POT1: variants seen among roughly 807,000 people sequenced by gnomAD.
POT1 encodes protection of telomeres protein 1.
Under a neutral mutation model 78.5 loss-of-function variants are expected in POT1, and 47 were observed. The ratio of observed to expected loss-of-function variants is 0.60; its 90% CI spans 0.47 to 0.76. POT1 has a LOEUF of 0.76. Ranked by LOEUF, POT1 falls within the 30% of genes least tolerant of loss-of-function variation. The pLI, the probability that POT1 is intolerant of heterozygous loss-of-function variation, is 0.00. For missense variants in POT1, 646 were observed against 749.9 expected (o/e 0.86, Z 1.62); for synonymous variants, 259 against 260.7 (o/e 0.99, Z 0.06).
chr7:124,835,511 A>T, intron 14 of POT1, 97 bp from the exon 15 acceptor site: 1 of 1,292,224 alleles, frequency 7.7e-7, no homozygotes, highest in Non-Finnish European at 1.1e-6. Context: ...AAAAGACTAA[A>T]GGAATTGACA....
chr7:124,882,327 A>C (rs1796138760), intron 6 of POT1, among the ~76,000 whole-genome samples: 1 of 152,042 alleles, frequency 6.6e-6, no homozygotes. Flanking sequence ...AATACCTATG[A>C]AGGCAAATCA....
At chr7:124,833,372 T>C (rs1008475104) in intron 15 of POT1, among the ~76,000 whole-genome samples, 4 of 152,162 alleles carry the variant, frequency 2.6e-5, no homozygotes, top group Admixed American at 1.3e-4. Flanking sequence ...GATTTACACA[T>C]TATGACAATG....
chr7:124,869,584 T>C (rs1337880108), intron 7 of POT1, among the ~76,000 whole-genome samples: 1 of 152,128 alleles, frequency 6.6e-6, no homozygotes, highest in African/African-American at 2.4e-5. Flanking sequence ...TTTCTTTTTA[T>C]TTATTTATTT....
chr7:124,891,139 G>T (rs546283914), intron 6 of POT1, among the ~76,000 whole-genome samples: 5 of 151,788 alleles, frequency 3.3e-5, no homozygotes, highest in African/African-American at 1.2e-4. Context: ...CTATAATTGT[G>T]TTGCTGTCTA....
At chr7:124,852,018 C>A in intron 10 of POT1, 67 bp from the exon 11 acceptor site, 1 of 1,032,362 alleles carries the variant, frequency 9.7e-7, no homozygotes, top group Non-Finnish European at 1.5e-6. Flanking sequence ...TTAGCTCTAC[C>A]CACAAAATCC....
intron 2 of POT1, among the ~76,000 whole-genome samples, chr7:124,921,877 A>T (rs1167315606): frequency 6.6e-6 from 1 of 152,094 alleles, no homozygotes; most frequent in Non-Finnish European, 1.5e-5. Context: ...GGAAAAAAAA[A>T]TATTTCAAGA....
In POT1 at chr7:124,829,095, C is replaced by T. The variant is rs76398968; in HGVS notation, c.1594+159G>A. The T allele has an allele frequency of 2.8e-4, 215 of 762,056 alleles. No homozygotes were observed. The African/African-American group carries it at 3.3e-3, about 12-fold the overall frequency. The allele number at this position is 762,056 out of a possible 1,614,324, so 47.2% of individuals were successfully genotyped here. A position where few individuals can be genotyped will look rare whatever the true frequency, so the allele number is the denominator to read the frequency against. ...AAATACAGACTAAAGGAAGGCTTGGCAGATATCTTTAAATTTACAAAGTCT... is the reference window on the plus strand; with the variant it reads ...AAATACAGACTAAAGGAAGGCTTGGTAGATATCTTTAAATTTACAAAGTCT... On this transcript the variant is annotated intron_variant, in intron 16 of 18. Coordinates refer to ENST00000357628, the MANE Select transcript of POT1 (RefSeq NM_015450.3).
chr7:124,868,658 TA>T (rs1795790368), intron 7 of POT1, among the ~76,000 whole-genome samples: 1 of 150,676 alleles, frequency 6.6e-6, no homozygotes, highest in Admixed American at 6.6e-5. Context: ...TAAATAAATA[TA>T]AAAAAGTAAT....
intron 3 of POT1, among the ~76,000 whole-genome samples, chr7:124,898,969 A>G (rs530576461): frequency 6.6e-6 from 1 of 152,330 alleles, no homozygotes; most frequent in African/African-American, 2.4e-5. Flanking sequence ...AGAAATACTA[A>G]AAGAGTTTTG....
intron 3 of POT1, among the ~76,000 whole-genome samples, chr7:124,910,046 C>G (rs1187393816): frequency 6.6e-6 from 1 of 151,734 alleles, no homozygotes; most frequent in African/African-American, 2.4e-5. Flanking sequence ...CAGGCTTATC[C>G]ATGCCCACAG....
At chr7:124,876,329 CA>C (rs1452992458) in intron 6 of POT1, among the ~76,000 whole-genome samples, 3 of 151,206 alleles carry the variant, frequency 2.0e-5, no homozygotes, top group Middle Eastern at 3.2e-3. Context: ...CTTAAACATT[CA>C]AAAACTTTAA....
intron 3 of POT1, chr7:124,900,764 C>A: frequency 3.5e-6 from 1 of 286,536 alleles, no homozygotes; most frequent in Non-Finnish European, 7.5e-6. Context: ...GAAGCCATGA[C>A]GGTCAGTACC....
At chr7:124,830,791 G>C (rs1435246307) in intron 15 of POT1, among the ~76,000 whole-genome samples, 1 of 151,692 alleles carries the variant, frequency 6.6e-6, no homozygotes, top group Non-Finnish European at 1.5e-5. Flanking sequence ...AACCTATAAA[G>C]CAATTACCAA....
chr7:124,888,273 A>G (rs1291016774), intron 6 of POT1, among the ~76,000 whole-genome samples: 1 of 152,074 alleles, frequency 6.6e-6, no homozygotes, highest in Admixed American at 6.6e-5. Flanking sequence ...AGTTGACCAT[A>G]ATAAACGTGT....
chr7:124,866,906 C>T (rs1245257018), intron 7 of POT1, among the ~76,000 whole-genome samples: 3 of 152,166 alleles, frequency 2.0e-5, no homozygotes, highest in Non-Finnish European at 4.4e-5. Context: ...TACAACTGAT[C>T]GATTACCTAA....
At chr7:124,927,000 T>A (rs1584536473) in intron 2 of POT1, among the ~76,000 whole-genome samples, 1 of 152,152 alleles carries the variant, frequency 6.6e-6, no homozygotes, top group Admixed American at 6.5e-5. Flanking sequence ...CAGTGACAGA[T>A]GCACTGAAGG....
chr7:124,843,183 C>T (rs111874620), intron 12 of POT1: 17 of 326,210 alleles, frequency 5.2e-5, no homozygotes, highest in Middle Eastern at 8.2e-4. Flanking sequence ...ACTAAATAAA[C>T]GCTGGATAAT....
chr7:124,883,201 T>C (rs962530707), intron 6 of POT1, among the ~76,000 whole-genome samples: 1 of 152,054 alleles, frequency 6.6e-6, no homozygotes, highest in Non-Finnish European at 1.5e-5. Flanking sequence ...ACTCCATTCA[T>C]TGTAACAGGT....
At chr7:124,859,453 A>G (rs762907032) in intron 8 of POT1, among the ~76,000 whole-genome samples, 2 of 152,154 alleles carry the variant, frequency 1.3e-5, no homozygotes, top group Admixed American at 6.5e-5. Flanking sequence ...TACAACTAGT[A>G]AAATTATGAA....
Sources: allele counts gnomAD v4.1 joint callset (sites outside exome capture counted in the v4.1 genomes callset), GRCh38; gene constraint gnomAD v4.1.1; transcripts MANE v1.5; gene names NCBI Gene and HGNC (gene_info 2026-07-23, HGNC 2026-07-21).